Variants in PARD3B observed in about 807,000 individuals in gnomAD.
PARD3B encodes partitioning defective 3 homolog B.
Under a neutral mutation model 130.2 loss-of-function variants are expected in PARD3B, and 103 were observed. The ratio of observed to expected loss-of-function variants is 0.79; its 90% confidence interval spans 0.67 to 0.93. PARD3B has a LOEUF of 0.93. Ranked by LOEUF, PARD3B falls within the 40% of genes least tolerant of loss-of-function variation. The pLI is 0.00. For missense variants in PARD3B, 1,609 were observed against 1,499.2 expected (o/e 1.07, Z -1.21); for synonymous variants, 583 against 553.2 (o/e 1.05, Z -0.76).
At chr2:205,232,263 G>C (rs934885276) in intron 15 of PARD3B, among the ~76,000 whole-genome samples, 1 of 152,070 alleles carries the variant, frequency 6.6e-6, no homozygotes, top group African/African-American at 2.4e-5. Flanking sequence ...CAGCCTGGGC[G>C]ATATAGTGAA....
intron 15 of PARD3B, among the ~76,000 whole-genome samples, chr2:205,193,865 G>A (rs570641389): frequency 1.2e-4 from 18 of 152,238 alleles, no homozygotes; most frequent in African/African-American, 2.6e-4. Flanking sequence ...TCTCTTGGGC[G>A]TGCCACACTG....
At chr2:205,333,879 T>C (rs2043220412) in intron 18 of PARD3B, among the ~76,000 whole-genome samples, 1 of 152,176 alleles carries the variant, frequency 6.6e-6, no homozygotes, top group Non-Finnish European at 1.5e-5. Context: ...GTATATTTGT[T>C]ACTGAAATTT....
chr2:205,521,561 CTTTTTCT>C (rs2051059747), intron 21 of PARD3B, among the ~76,000 whole-genome samples: 2 of 150,454 alleles, frequency 1.3e-5, no homozygotes, highest in Non-Finnish European at 3.0e-5. Flanking sequence ...GATTTTTTTT[CTTTTTCT>C]ATTAATGTGA....
intron 1 of PARD3B, among the ~76,000 whole-genome samples, chr2:204,566,973 G>T (rs1400578655): frequency 6.6e-6 from 1 of 151,640 alleles, no homozygotes; most frequent in East Asian, 1.9e-4. Flanking sequence ...CCGCCTCCCA[G>T]GTTCAAGTGA....
At position 205,105,266 on chromosome 2, in the gene PARD3B, G is replaced by A. The variant is rs775880860; in HGVS notation, c.593+752G>A. Among the ~76,000 whole-genome samples the A allele has an allele frequency of 2.0e-5, 3 of 152,174 alleles. No homozygotes were observed. Among genetic ancestry groups the A allele is most frequent in the South Asian group, 4.1e-4 (2 of 4,832 alleles). Reference sequence around the variant, plus strand: ...CATGTAGACCATTTTGCACAGTGTTGTGGTTAGGATAAATCCTGTGAGTGT... The same window carrying A: ...CATGTAGACCATTTTGCACAGTGTTATGGTTAGGATAAATCCTGTGAGTGT... On this transcript the variant is annotated intron_variant, in intron 5 of 22. Coordinates refer to ENST00000406610, the MANE Select transcript of PARD3B (RefSeq NM_001302769.2). This position sits in a 1 kb window ranked among gnomAD's most constrained non-coding sequence, Gnocchi z 4.0.
At chr2:204,584,213 AG>A (rs2032718427) in intron 1 of PARD3B, among the ~76,000 whole-genome samples, 1 of 152,176 alleles carries the variant, frequency 6.6e-6, no homozygotes, top group South Asian at 2.1e-4. Context: ...ATGGGGATGG[AG>A]ATGGGGCAAT....
chr2:204,895,470 TTTA>T (rs2046608389), intron 2 of PARD3B, among the ~76,000 whole-genome samples: 1 of 152,110 alleles, frequency 6.6e-6, no homozygotes, highest in South Asian at 2.1e-4. Flanking sequence ...TTATCAGGTA[TTTA>T]ACCGATATAT....
intron 18 of PARD3B, among the ~76,000 whole-genome samples, chr2:205,387,710 A>T (rs2045711728): frequency 1.3e-5 from 2 of 152,196 alleles, no homozygotes; most frequent in South Asian, 4.1e-4. Flanking sequence ...TAGTTATTGG[A>T]GGTCACTTCA....
intron 4 of PARD3B, among the ~76,000 whole-genome samples, chr2:205,061,108 A>G (rs1388824007): frequency 6.6e-6 from 1 of 152,218 alleles, no homozygotes; most frequent in Non-Finnish European, 1.5e-5. Context: ...GCACCATCCC[A>G]GAAATACAGA....
chr2:204,880,566 G>A (rs145445616), intron 2 of PARD3B, among the ~76,000 whole-genome samples: 42 of 151,248 alleles, frequency 2.8e-4, no homozygotes, highest in Admixed American at 6.0e-4. Context: ...AGGCTGAGGC[G>A]GGGAATGGCT....
chr2:204,796,235 A>T (rs866097895), intron 2 of PARD3B, among the ~76,000 whole-genome samples: 6 of 152,206 alleles, frequency 3.9e-5, no homozygotes, highest in South Asian at 4.1e-4. Context: ...AATATGATCA[A>T]ATGGTTATGT....
At chr2:205,042,737 C>T (rs1182457780) in intron 3 of PARD3B, among the ~76,000 whole-genome samples, 1 of 152,012 alleles carries the variant, frequency 6.6e-6, no homozygotes, top group Non-Finnish European at 1.5e-5. Context: ...CTGGGGTGTA[C>T]TGAAATGTTC....
chr2:205,574,396 C>G (rs1417090626), intron 22 of PARD3B, among the ~76,000 whole-genome samples: 4 of 152,166 alleles, frequency 2.6e-5, no homozygotes, highest in African/African-American at 9.7e-5. Flanking sequence ...TGGCCATGAA[C>G]TATGCCATCT....
intron 2 of PARD3B, among the ~76,000 whole-genome samples, chr2:204,849,122 TAGA>T (rs1005664980): frequency 3.9e-5 from 6 of 152,202 alleles, no homozygotes; most frequent in African/African-American, 1.4e-4. Flanking sequence ...TGTCACAAAT[TAGA>T]AGAAGTGGCT....
intron 2 of PARD3B, among the ~76,000 whole-genome samples, chr2:204,809,495 G>A (rs761783108): frequency 1.3e-5 from 2 of 152,138 alleles, no homozygotes; most frequent in African/African-American, 2.4e-5. Context: ...TCTGCATAGA[G>A]TTAGCCAGTT....
At position 204,908,266 on chromosome 2, in the gene PARD3B, T is replaced by C. The variant is rs993955531; in HGVS notation, c.223-56886T>C. 7.9e-5 allele frequency among the ~76,000 whole-genome samples: 12 copies of C among 152,136 alleles called. No individual in the cohort carries two copies. In the East Asian group the frequency reaches 2.3e-3, roughly 29 times the overall value. On this transcript the variant is annotated intron_variant, in intron 2 of 22. Transcript: ENST00000406610. ...ATTCTTAATAATTGAATCATAAAAA[T>C]TTTCAGCTAAAAGGAAATCTAAATA...
chr2:205,581,247 T>TATAGATATAG (rs1199554981), intron 22 of PARD3B, among the ~76,000 whole-genome samples: 2 of 78,754 alleles, frequency 2.5e-5, no homozygotes, highest in South Asian at 4.1e-4. Context: ...TATAGATATA[T>TATAGATATAG]ATAGATATAT....
intron 2 of PARD3B, among the ~76,000 whole-genome samples, chr2:204,859,962 G>A (rs1053630917): frequency 6.6e-6 from 1 of 152,124 alleles, no homozygotes; most frequent in Non-Finnish European, 1.5e-5. Context: ...ATAGTGCAGT[G>A]CAGCATAAAG....
At chr2:205,348,343 C>T (rs2043871105) in intron 18 of PARD3B, among the ~76,000 whole-genome samples, 1 of 152,220 alleles carries the variant, frequency 6.6e-6, no homozygotes, top group Non-Finnish European at 1.5e-5. Context: ...TCTCCGTATT[C>T]TCAATGTTTC....
Sources: allele counts gnomAD v4.1 joint callset (sites outside exome capture counted in the v4.1 genomes callset), GRCh38; gene constraint gnomAD v4.1.1; non-coding constraint Gnocchi (gnomAD v3.1); transcripts MANE v1.5; gene names NCBI Gene and HGNC (gene_info 2026-07-23, HGNC 2026-07-21).